The following GALNTL6 variants were observed in gnomAD, a reference collection of about 807,000 sequenced individuals.
The protein encoded by GALNTL6 is polypeptide N-acetylgalactosaminyltransferase-like 6.
Under a neutral mutation model 73.7 loss-of-function variants are expected in GALNTL6, and 46 were observed. The ratio of observed to expected loss-of-function variants is 0.62; its 90% CI spans 0.49 to 0.80. The LOEUF is 0.80. GALNTL6 is among the 30% of genes least tolerant of loss of function. GALNTL6 has a pLI of 0.00. For synonymous variants in GALNTL6, 259 were observed against 263.7 expected, an observed-to-expected ratio of 0.98 and a Z score of 0.17; for missense variants, 604 against 755.0, an observed-to-expected ratio of 0.80 and a Z score of 2.34.
At chr4:172,017,239 T>C (rs935501629) in intron 2 of GALNTL6, among the ~76,000 whole-genome samples, 1 of 152,104 alleles carries the variant, frequency 6.6e-6, no homozygotes, top group Non-Finnish European at 1.5e-5. Context: ...TCCCCTGCCA[T>C]GTCAGCAAGA....
chr4:171,981,637 A>T (rs955817862), intron 2 of GALNTL6, among the ~76,000 whole-genome samples: 3 of 152,190 alleles, frequency 2.0e-5, no homozygotes, highest in Non-Finnish European at 4.4e-5. Context: ...TGTTAAATGA[A>T]ATTCCTAAAT....
rs182374710 is a variant in GALNTL6 at position 172,283,471 on chromosome 4, A to G, written c.248-28143A>G. On this transcript the variant is annotated intron_variant, in intron 3 of 12. Coordinates refer to ENST00000506823, the MANE Select transcript of GALNTL6 (RefSeq NM_001034845.3). Reference sequence around the variant, plus strand: ...TTTTATTTTACTTTGTTGAGACAATAATTGTCTTCATAGTCTATCTGGGAA... The same window carrying G: ...TTTTATTTTACTTTGTTGAGACAATGATTGTCTTCATAGTCTATCTGGGAA... Among the ~76,000 whole-genome samples the G allele has an allele frequency of 3.9e-5, 6 of 152,240 alleles. No individual in the cohort carries two copies. In the East Asian group the frequency reaches 1.2e-3, roughly 29 times the overall value.
At chr4:172,891,000 G>A (rs1745998652) in intron 8 of GALNTL6, among the ~76,000 whole-genome samples, 1 of 152,130 alleles carries the variant, frequency 6.6e-6, no homozygotes, top group African/African-American at 2.4e-5. Context: ...CTGAAGAATA[G>A]TGACCTCTGC....
chr4:172,056,225 T>G (rs932602496), intron 2 of GALNTL6, among the ~76,000 whole-genome samples: 1 of 152,186 alleles, frequency 6.6e-6, no homozygotes, highest in African/African-American at 2.4e-5. Flanking sequence ...GAACTTATAT[T>G]TTCTGCATAA....
intron 7 of GALNTL6, among the ~76,000 whole-genome samples, chr4:172,837,927 G>A (rs1196491246): frequency 6.6e-6 from 1 of 152,190 alleles, no homozygotes; most frequent in Non-Finnish European, 1.5e-5. Context: ...TCTTGATACT[G>A]TAGTTTTAGG....
At chr4:171,922,194 T>C (rs559107177) in intron 2 of GALNTL6, among the ~76,000 whole-genome samples, 31 of 152,172 alleles carry the variant, frequency 2.0e-4, no homozygotes, top group African/African-American at 7.5e-4. Context: ...CCAATAAGCT[T>C]CTTAATGATG....
intron 4 of GALNTL6, among the ~76,000 whole-genome samples, chr4:172,336,690 T>C (rs1561032605): frequency 6.6e-6 from 1 of 152,240 alleles, no homozygotes. Flanking sequence ...GAATATGTTC[T>C]GCATGCAGAC....
At chr4:171,906,309 A>G (rs557823283) in intron 2 of GALNTL6, among the ~76,000 whole-genome samples, 2,630 of 139,716 alleles carry the variant, frequency 0.019, 81 homozygotes, top group African/African-American at 0.067. Context: ...TGATAAAGGG[A>G]ATATCACCAC....
intron 5 of GALNTL6, among the ~76,000 whole-genome samples, chr4:172,799,149 T>C (rs781006048): frequency 4.6e-5 from 7 of 152,154 alleles, no homozygotes; most frequent in Non-Finnish European, 1.0e-4. Flanking sequence ...GAGATCTCAA[T>C]AGTCACTAGA....
intron 5 of GALNTL6, among the ~76,000 whole-genome samples, chr4:172,441,733 A>G (rs751644519): frequency 6.6e-6 from 1 of 152,120 alleles, no homozygotes; most frequent in Non-Finnish European, 1.5e-5. Flanking sequence ...CCCTAAGTTT[A>G]ATGTTGGTGA....
intron 5 of GALNTL6, among the ~76,000 whole-genome samples, chr4:172,645,065 G>A (rs1740175471): frequency 6.6e-6 from 1 of 151,840 alleles, no homozygotes; most frequent in Admixed American, 6.6e-5. Context: ...TCATTGATTT[G>A]TAGAAGTACT....
rs191764369 is a variant in GALNTL6, at chr4:172,530,236, C to T, written c.553+181547C>T. On this transcript the variant is annotated intron_variant, in intron 5 of 12. Coordinates refer to ENST00000506823, the MANE Select transcript of GALNTL6 (RefSeq NM_001034845.3). ...ACCTTCCCAAGCTAAGATACCTAGT[C>T]GATAATTTGTCTCTTCCTTAAATTA... Among the ~76,000 whole-genome samples, 11 of 152,198 alleles carry T rather than the reference C, an allele frequency of 7.2e-5. No homozygotes were observed. The East Asian group carries it at 2.1e-3, about 29-fold the overall frequency.
chr4:171,874,506 A>C (rs1736222633), intron 2 of GALNTL6, among the ~76,000 whole-genome samples: 1 of 152,106 alleles, frequency 6.6e-6, no homozygotes, highest in African/African-American at 2.4e-5. Flanking sequence ...TCTATTTTTT[A>C]AATTTCCTAG....
intron 2 of GALNTL6, among the ~76,000 whole-genome samples, chr4:171,850,953 TA>T (rs1735508017): frequency 6.6e-6 from 1 of 152,190 alleles, no homozygotes; most frequent in African/African-American, 2.4e-5. Flanking sequence ...GATATTATCC[TA>T]AAACAATGCA....
chr4:172,056,083 A>G (rs962267699), intron 2 of GALNTL6, among the ~76,000 whole-genome samples: 3 of 152,214 alleles, frequency 2.0e-5, no homozygotes, highest in African/African-American at 7.2e-5. Flanking sequence ...ATACCTATAA[A>G]CAAAATGTGT....
chr4:172,814,254 T>C (rs572099044), intron 7 of GALNTL6, among the ~76,000 whole-genome samples: 35 of 152,306 alleles, frequency 2.3e-4, no homozygotes, highest in African/African-American at 8.2e-4. Context: ...CAGAGTCAAT[T>C]ATCTTTGATA....
At chr4:172,237,086 T>C (rs1737269700) in intron 3 of GALNTL6, among the ~76,000 whole-genome samples, 1 of 152,210 alleles carries the variant, frequency 6.6e-6, no homozygotes, top group South Asian at 2.1e-4. Flanking sequence ...ATGGTGTATA[T>C]TTACCACATT....
intron 2 of GALNTL6, among the ~76,000 whole-genome samples, chr4:171,920,745 C>T (rs1478631792): frequency 6.6e-6 from 1 of 152,030 alleles, no homozygotes; most frequent in East Asian, 1.9e-4. Context: ...CTCTAATTTC[C>T]TGACACCATT....
At chr4:172,763,413 T>A (rs6553657) in intron 5 of GALNTL6, among the ~76,000 whole-genome samples, 72,983 of 152,070 alleles carry the variant, frequency 0.48, 18,347 homozygotes, top group African/African-American at 0.63. Context: ...TACTTCTTTT[T>A]AACAGTTAGA....
Sources: allele counts gnomAD v4.1 joint callset (sites outside exome capture counted in the v4.1 genomes callset), GRCh38; gene constraint gnomAD v4.1.1; transcripts MANE v1.5; gene names NCBI Gene and HGNC (gene_info 2026-07-23, HGNC 2026-07-21).